The following AHCYL1 variants were observed in gnomAD, a reference collection of about 807,000 sequenced individuals.
AHCYL1 encodes S-adenosylhomocysteine hydrolase-like protein 1.
In AHCYL1, 20 loss-of-function variants were observed where a neutral mutation model predicts 79.3. That is an observed-to-expected ratio of 0.25 (90% CI 0.18 to 0.37). The LOEUF is 0.37. Among genes scored for constraint, AHCYL1 ranks in the 10% least tolerant of loss-of-function variants. AHCYL1 has a pLI of 1.00. For synonymous variants in AHCYL1, 223 were observed against 242.2 expected, an observed-to-expected ratio of 0.92 and a Z score of 0.74; for missense variants, 330 against 673.6, an observed-to-expected ratio of 0.49 and a Z score of 5.65.
chr1:109,985,190 G>A lies in AHCYL1; in HGVS notation c.120+18G>A, dbSNP rs753795988. 6.2e-7 allele frequency: 1 copy of A among 1,601,274 alleles called. No homozygotes were observed. Among genetic ancestry groups the A allele is most frequent in the Non-Finnish European group, 8.5e-7 (1 of 1,174,466 alleles). ...CCAAGAAGGTGCGGGGGCTCTGGGT[G>A]GCGGCGGGGGCTCGGGCTCCGGCCT... is the stretch of plus-strand genomic sequence containing the variant. On this transcript the variant is annotated intron_variant, in intron 1 of 16. Transcript: ENST00000369799.
At chr1:109,997,361 G>C (rs925602447) in intron 1 of AHCYL1, among the ~76,000 whole-genome samples, 1 of 152,278 alleles carries the variant, frequency 6.6e-6, no homozygotes, top group Non-Finnish European at 1.5e-5. Flanking sequence ...GTAGAGATTA[G>C]AGAAAGATGA....
At chr1:110,017,829 C>T in intron 10 of AHCYL1, 117 bp from the exon 11 acceptor site, 1 of 1,081,252 alleles carries the variant, frequency 9.2e-7, no homozygotes, top group Non-Finnish European at 1.4e-6. Flanking sequence ...TTATCACTCA[C>T]CATTCCTGTG....
rs1220986047 is a variant in AHCYL1, at chr1:110,022,254, A to T, written c.*574A>T. ...ATGGCTTGTTAAGATCAGGAGGCCC[A>T]CTTGGATTTATAGTATAGCCCTTCC... is the stretch of plus-strand genomic sequence containing the variant. On this transcript the variant is annotated 3_prime_UTR_variant, in exon 17 of 17. Transcript: ENST00000369799. The T allele has an allele frequency of 6.6e-6, 1 of 152,226 alleles. No individual in the cohort carries two copies. The allele number at this position is 152,226 out of a possible 1,614,324, so 9.4% of individuals were successfully genotyped here.
At chr1:109,985,203 C>A in intron 1 of AHCYL1, 31 bp downstream of exon 1, 1 of 1,589,560 alleles carries the variant, frequency 6.3e-7, no homozygotes, top group East Asian at 2.3e-5. Context: ...GGCGGGGGCT[C>A]GGGCTCCGGC....
intron 1 of AHCYL1, among the ~76,000 whole-genome samples, chr1:109,989,463 C>G (rs1257199040): frequency 6.6e-6 from 1 of 152,158 alleles, no homozygotes; most frequent in Non-Finnish European, 1.5e-5. Context: ...AAGCGATCTT[C>G]CCACCTCAGC....
intron 1 of AHCYL1, among the ~76,000 whole-genome samples, chr1:109,996,695 C>G (rs1203078196): frequency 1.3e-5 from 2 of 152,192 alleles, no homozygotes; most frequent in Non-Finnish European, 2.9e-5. Flanking sequence ...GTTTGTTACA[C>G]CAGCATCACC....
intron 6 of AHCYL1, among the ~76,000 whole-genome samples, chr1:110,015,084 G>T (rs1651326500): frequency 1.3e-5 from 2 of 152,172 alleles, no homozygotes; most frequent in Admixed American, 1.3e-4. Flanking sequence ...GAACAAAATA[G>T]TGGTGCTTCT....
rs190217926 is a variant in AHCYL1, at chr1:110,009,652, G to T, written c.232+507G>T. 3.3e-5 allele frequency among the ~76,000 whole-genome samples: 5 copies of T among 152,272 alleles called. No homozygotes were observed. The East Asian group carries it at 9.6e-4, about 29-fold the overall frequency. On this transcript the variant is annotated intron_variant, in intron 2 of 16. Coordinates refer to ENST00000369799, the MANE Select transcript of AHCYL1 (RefSeq NM_006621.7). ...GAATATCCTCCCCTGTTAGACTCTG[G>T]AGCAGGAAAGATTCAGACTACTGTA...
intron 1 of AHCYL1, chr1:110,004,579 A>G (rs1650527024): frequency 1.2e-6 from 1 of 826,910 alleles, no homozygotes; most frequent in Non-Finnish European, 1.5e-6. Context: ...GTGTTTATTG[A>G]TAACTGTTTC....
At chr1:109,994,216 C>T (rs1185627693) in intron 1 of AHCYL1, among the ~76,000 whole-genome samples, 1 of 152,176 alleles carries the variant, frequency 6.6e-6, no homozygotes, top group Non-Finnish European at 1.5e-5. Context: ...ATAACTTAGG[C>T]AAGATTCAGG....
At chr1:109,998,411 A>C (rs1650131414) in intron 1 of AHCYL1, among the ~76,000 whole-genome samples, 1 of 152,186 alleles carries the variant, frequency 6.6e-6, no homozygotes, top group South Asian at 2.1e-4. Flanking sequence ...CCCTGAGCCC[A>C]GGAGTTTGAG....
chr1:110,009,204 C>A, intron 2 of AHCYL1, 59 bp downstream of exon 2: 1 of 1,447,018 alleles, frequency 6.9e-7, no homozygotes, highest in Non-Finnish European at 9.6e-7. Context: ...GCTACCAGTG[C>A]TCTTCACTTA....
At chr1:109,987,696 C>T (rs995887779) in intron 1 of AHCYL1, among the ~76,000 whole-genome samples, 8 of 152,174 alleles carry the variant, frequency 5.3e-5, no homozygotes, top group African/African-American at 1.4e-4. Context: ...TATCTAGATT[C>T]TTCAGCTATA....
chr1:109,998,107 G>A (rs1288013383), intron 1 of AHCYL1, among the ~76,000 whole-genome samples: 3 of 152,150 alleles, frequency 2.0e-5, no homozygotes, highest in African/African-American at 7.2e-5. Context: ...GCTCAGTGAT[G>A]CATTAAAGCT....
chr1:109,985,264 T>C, intron 1 of AHCYL1, 92 bp downstream of exon 1: 1 of 1,469,796 alleles, frequency 6.8e-7, no homozygotes, highest in Non-Finnish European at 9.1e-7. Context: ...TTGGGACTTC[T>C]GGGGGTGACT....
chr1:110,016,000 T>C (rs1296519021), intron 7 of AHCYL1, among the ~76,000 whole-genome samples: 1 of 152,204 alleles, frequency 6.6e-6, no homozygotes, highest in Non-Finnish European at 1.5e-5. Context: ...CACGGAACCA[T>C]ATCAGAATCA....
At chr1:110,012,528 T>TC in intron 4 of AHCYL1, 66 bp downstream of exon 4, 3 of 1,298,586 alleles carry the variant, frequency 2.3e-6, no homozygotes, top group South Asian at 1.6e-5. Flanking sequence ...TTTTTTTTTT[T>TC]CACTTTTCCT....
intron 1 of AHCYL1, among the ~76,000 whole-genome samples, chr1:110,007,087 A>G (rs1324870239): frequency 3.3e-5 from 5 of 152,148 alleles, no homozygotes; most frequent in Non-Finnish European, 7.3e-5. Context: ...TAAGTTGCTG[A>G]AGAAACACAT....
intron 11 of AHCYL1, 98 bp downstream of exon 11, chr1:110,018,114 T>C: frequency 1.5e-6 from 2 of 1,318,744 alleles, no homozygotes; most frequent in East Asian, 2.3e-5. Flanking sequence ...CTGTTCAGTA[T>C]AAAGGTCTCA....
Sources: allele counts gnomAD v4.1 joint callset (sites outside exome capture counted in the v4.1 genomes callset), GRCh38; gene constraint gnomAD v4.1.1; transcripts MANE v1.5; gene names NCBI Gene and HGNC (gene_info 2026-07-23, HGNC 2026-07-21).